ASIP: variants seen among roughly 807,000 people sequenced by gnomAD.
The protein encoded by ASIP is agouti-signaling protein.
In ASIP, 11 loss-of-function variants were observed where a neutral mutation model predicts 10.3. That is an observed-to-expected ratio of 1.07 (90% confidence interval 0.68 to 1.78). The LOEUF is 1.78. Among genes scored for constraint, ASIP ranks in the 40% most tolerant of loss-of-function variants. ASIP has a pLI of 0.00. For synonymous variants in ASIP, 70 were observed against 70.8 expected, an observed-to-expected ratio of 0.99 and a Z score of 0.06; for missense variants, 180 against 169.2, an observed-to-expected ratio of 1.06 and a Z score of -0.35.
chr20:34,192,289 C>T (rs999735848), upstream of ASIP, among the ~76,000 whole-genome samples: 1 of 152,132 alleles, frequency 6.6e-6, no homozygotes, highest in Non-Finnish European at 1.5e-5. Context: ...CCTTGGCCTC[C>T]CAAAGTGCTG....
chr20:34,247,917 C>T (rs973215618), intron 1 of ASIP, among the ~76,000 whole-genome samples: 33 of 152,030 alleles, frequency 2.2e-4, no homozygotes, highest in African/African-American at 7.5e-4. Context: ...TTTAAATTGC[C>T]CCTGAAGGCC....
chr20:34,227,187 A>G (rs753611729), intron 1 of ASIP, among the ~76,000 whole-genome samples: 25 of 152,190 alleles, frequency 1.6e-4, no homozygotes, highest in Non-Finnish European at 3.1e-4. Context: ...GTTTATTTCT[A>G]TATTGTAGCA....
At chr20:34,264,864 C>T (rs903195150) in intron 3 of ASIP, among the ~76,000 whole-genome samples, 1 of 140,956 alleles carries the variant, frequency 7.1e-6, no homozygotes, top group Non-Finnish European at 1.5e-5. Flanking sequence ...GGCACCATCT[C>T]GGCTCATTGC....
At chr20:34,202,617 A>C (rs1408507912) in intron 1 of ASIP, among the ~76,000 whole-genome samples, 1 of 151,824 alleles carries the variant, frequency 6.6e-6, no homozygotes, top group East Asian at 1.9e-4. Context: ...TTTATTATTA[A>C]TCCATTGTCT....
chr20:34,223,045 G>A (rs1266763901), intron 1 of ASIP, among the ~76,000 whole-genome samples: 3 of 151,950 alleles, frequency 2.0e-5, no homozygotes, highest in Admixed American at 6.6e-5. Flanking sequence ...CTGCCCGGCC[G>A]CCACCCCGTC....
intron 1 of ASIP, among the ~76,000 whole-genome samples, chr20:34,219,301 C>T (rs1048082613): frequency 1.9e-4 from 29 of 152,094 alleles, no homozygotes; most frequent in African/African-American, 7.0e-4. Flanking sequence ...TTGTTATGTG[C>T]CAAGTGTGGT....
At chr20:34,205,173 AGTT>A (rs1442528255) in intron 1 of ASIP, among the ~76,000 whole-genome samples, 1 of 152,060 alleles carries the variant, frequency 6.6e-6, no homozygotes, top group Admixed American at 6.5e-5. Context: ...TTGTTCCTTC[AGTT>A]GTTCAGATGT....
chr20:34,235,966 A>AGGGAAGGAAGGAAGGAAGC, intron 1 of ASIP, among the ~76,000 whole-genome samples: 2 of 86,628 alleles, frequency 2.3e-5, no homozygotes, highest in African/African-American at 2.7e-4. Context: ...GGAAGGAAGG[A>AGGGAAGGAAGGAAGGAAGC]GGGAGGGAGG....
intron 1 of ASIP, among the ~76,000 whole-genome samples, chr20:34,235,786 GAAGAAAGA>G (rs572242709): frequency 0.017 from 1,073 of 61,380 alleles, 49 homozygotes; most frequent in Non-Finnish European, 0.021. Context: ...CTCTGAGAAA[GAAGAAAGA>G]AAGAAAGAAA....
At chr20:34,187,131 C>G in the ASIP span, among the ~76,000 whole-genome samples, 1 of 152,206 alleles carries the variant, frequency 6.6e-6, no homozygotes, top group South Asian at 2.1e-4. Context: ...TTTGGGAATG[C>G]CCTGATTGAT....
At chr20:34,249,087 C>A (rs956503155) in intron 1 of ASIP, among the ~76,000 whole-genome samples, 91 of 151,866 alleles carry the variant, frequency 6.0e-4, no homozygotes, top group African/African-American at 1.9e-3. Flanking sequence ...TGAGATGGCA[C>A]CACTGCACTC....
At position 34,225,330 on chromosome 20, in the gene ASIP, C is replaced by T. The variant is rs536593158; in HGVS notation, c.-11+30570C>T. On this transcript the variant is annotated intron_variant, in intron 1 of 3. Coordinates refer to the ASIP transcript ENST00000568305. ...CTGGGATTATAGGTGTGAGCCACCG[C>T]GCCCTGCCTGCACCTTTGTTATATA... 8.7e-4 allele frequency among the ~76,000 whole-genome samples: 132 copies of T among 151,308 alleles called. 1 individual carries two copies. Among genetic ancestry groups the T allele is most frequent in the Admixed American group, 2.2e-3 (33 of 15,160 alleles).
At chr20:34,258,471 G>T (rs2035612302) in intron 1 of ASIP, among the ~76,000 whole-genome samples, 1 of 149,718 alleles carries the variant, frequency 6.7e-6, no homozygotes, top group African/African-American at 2.4e-5. Flanking sequence ...GGGCTTTGAT[G>T]ACCATTAACA....
intron 1 of ASIP, among the ~76,000 whole-genome samples, chr20:34,251,930 A>G (rs1408305329): frequency 6.6e-6 from 1 of 152,194 alleles, no homozygotes; most frequent in Non-Finnish European, 1.5e-5. Context: ...TGAGAAATAA[A>G]TTTCCGTTGT....
At chr20:34,201,560 G>A (rs563831965) in intron 1 of ASIP, among the ~76,000 whole-genome samples, 2 of 152,268 alleles carry the variant, frequency 1.3e-5, no homozygotes, top group East Asian at 3.9e-4. Context: ...GATATTTTAA[G>A]GAACTGAAAT....
Position 34,216,273 on chromosome 20 carries a change from T to A in ASIP, c.-11+21513T>A, listed in dbSNP as rs1409265872. 2.6e-5 allele frequency among the ~76,000 whole-genome samples: 4 copies of A among 152,200 alleles called. No homozygotes were observed. The East Asian group carries it at 7.8e-4, about 30-fold the overall frequency. On this transcript the variant is annotated intron_variant, in intron 1 of 3. Transcript: ENST00000568305. ...CTAACGCCGCCGCCGCCGTCGCCGC[T>A]GAGTCAGCGCGAAGCGCCCTCTCCG...
intron 1 of ASIP, among the ~76,000 whole-genome samples, chr20:34,247,841 C>T (rs983315417): frequency 6.6e-6 from 1 of 151,356 alleles, no homozygotes; most frequent in African/African-American, 2.4e-5. Flanking sequence ...AAGCAATCTT[C>T]CTGACTCCAC....
At chr20:34,243,046 G>A (rs989609521) in intron 1 of ASIP, among the ~76,000 whole-genome samples, 2 of 152,190 alleles carry the variant, frequency 1.3e-5, no homozygotes, top group Admixed American at 6.5e-5. Flanking sequence ...ATTTAGCATC[G>A]CCTATCAGCA....
chr20:34,261,313 A>C (rs552493311), intron 2 of ASIP, among the ~76,000 whole-genome samples: 1 of 152,034 alleles, frequency 6.6e-6, no homozygotes, highest in South Asian at 2.1e-4. Context: ...AGACTGAGCG[A>C]CATAGGGAGA....
Sources: gnomAD v4.1 joint callset for allele counts (sites outside exome capture counted in the v4.1 genomes callset) on GRCh38, gnomAD v4.1.1 for gene constraint, MANE v1.5 for transcripts, NCBI Gene and HGNC (gene_info 2026-07-23, HGNC 2026-07-21) for gene names.